Variants in HPSE2 observed in about 807,000 individuals in gnomAD.
HPSE2 encodes inactive heparanase-2.
Under a neutral mutation model 60.5 loss-of-function variants are expected in HPSE2, and 38 were observed. The observed-to-expected ratio is 0.63, with a 90% CI of 0.48 to 0.82. The LOEUF (loss-of-function observed/expected upper bound fraction) is 0.82. Ranked by LOEUF, HPSE2 falls within the 40% of genes least tolerant of loss-of-function variation. The pLI is 0.00. For missense variants in HPSE2, 713 were observed against 740.4 expected (o/e 0.96, Z 0.43); for synonymous variants, 295 against 293.2 (o/e 1.01, Z -0.06).
chr10:98,806,908 C>G (rs1287188560), intron 3 of HPSE2, among the ~76,000 whole-genome samples: 1 of 152,104 alleles, frequency 6.6e-6, no homozygotes, highest in African/African-American at 2.4e-5. Flanking sequence ...CTTTGGGAGG[C>G]CGAGGCAGGC....
chr10:98,845,245 C>T (rs1182269663), intron 3 of HPSE2, among the ~76,000 whole-genome samples: 1 of 152,164 alleles, frequency 6.6e-6, no homozygotes, highest in African/African-American at 2.4e-5. Flanking sequence ...AAAGCCTATT[C>T]CTTGACTCCT....
intron 3 of HPSE2, among the ~76,000 whole-genome samples, chr10:98,989,319 A>G (rs1956460933): frequency 6.6e-6 from 1 of 152,240 alleles, no homozygotes; most frequent in South Asian, 2.1e-4. Flanking sequence ...GGCAGCCATA[A>G]AAAATGATGA....
chr10:98,568,145 T>A (rs1381113729), intron 9 of HPSE2, among the ~76,000 whole-genome samples: 2 of 152,174 alleles, frequency 1.3e-5, no homozygotes, highest in Admixed American at 6.5e-5. Context: ...CCTCAGCATG[T>A]CAAGAAGGAT....
chr10:98,628,646 T>A (rs1946279998), intron 7 of HPSE2, among the ~76,000 whole-genome samples: 1 of 152,156 alleles, frequency 6.6e-6, no homozygotes, highest in African/African-American at 2.4e-5. Context: ...TGGGTGCATG[T>A]GGTCAAGGGG....
intron 3 of HPSE2, among the ~76,000 whole-genome samples, chr10:98,904,141 A>G (rs1312770064): frequency 6.6e-6 from 1 of 152,178 alleles, no homozygotes; most frequent in African/African-American, 2.4e-5. Context: ...AGAAATAATC[A>G]TTGATTTGTT....
At chr10:99,087,168 T>C (rs180725270) in intron 3 of HPSE2, among the ~76,000 whole-genome samples, 34 of 152,378 alleles carry the variant, frequency 2.2e-4, no homozygotes, top group African/African-American at 6.7e-4. Context: ...TGAAAAATCA[T>C]GTGTACTTTC....
intron 11 of HPSE2, among the ~76,000 whole-genome samples, chr10:98,460,187 T>C (rs1264740102): frequency 6.6e-6 from 1 of 152,248 alleles, no homozygotes; most frequent in Non-Finnish European, 1.5e-5. Context: ...GAATGATACA[T>C]GGGCTTAAGA....
chr10:99,210,866 A>G (rs898169782), intron 2 of HPSE2, among the ~76,000 whole-genome samples: 18 of 152,232 alleles, frequency 1.2e-4, no homozygotes, highest in African/African-American at 4.1e-4. Flanking sequence ...GGAATAAGAT[A>G]AAGATGCCCT....
chr10:98,531,524 T>C (rs1381394287), intron 9 of HPSE2, among the ~76,000 whole-genome samples: 3 of 152,210 alleles, frequency 2.0e-5, no homozygotes, highest in African/African-American at 4.8e-5. Flanking sequence ...GCAACTGTAG[T>C]GCACGTGCGG....
intron 3 of HPSE2, among the ~76,000 whole-genome samples, chr10:98,981,221 C>T (rs1956197543): frequency 6.6e-6 from 1 of 152,128 alleles, no homozygotes. Flanking sequence ...GCCTGAGCTA[C>T]TCTGTTTTCT....
At chr10:98,553,263 C>G (rs1034463669) in intron 9 of HPSE2, among the ~76,000 whole-genome samples, 1 of 152,186 alleles carries the variant, frequency 6.6e-6, no homozygotes, top group African/African-American at 2.4e-5. Context: ...AGAAATCTTA[C>G]TACAAAGTTA....
rs1336249195 is a variant in HPSE2, at chr10:98,614,960, A to T, written c.1264T>A (p.Ser422Thr). 3.1e-6 allele frequency: 5 copies of T among 1,614,156 alleles called. No homozygotes were observed. In the South Asian group the frequency reaches 5.5e-5, roughly 18 times the overall value. ...NQGIDVVIRH[S>T]FFDHGYNHLV... ...TGATTGTATCCATGGTCAAAAAATG[A>T]GTGCCGTATCACGACATCAATGCCC... The change falls in exon 9 of 12, where the codon TCA becomes ACA. Residue 422 changes from serine to threonine, a missense_variant. Physicochemically the swap from Ser to Thr is moderately conservative, Grantham distance 58. Coordinates refer to ENST00000370552, the MANE Select transcript of HPSE2 (RefSeq NM_021828.5).
intron 9 of HPSE2, among the ~76,000 whole-genome samples, chr10:98,564,161 G>A (rs763444840): frequency 2.0e-5 from 3 of 152,132 alleles, no homozygotes; most frequent in Non-Finnish European, 4.4e-5. Flanking sequence ...AGCTAGTGCT[G>A]TTGTCCCCAC....
At chr10:98,948,766 C>T (rs752308029) in intron 3 of HPSE2, among the ~76,000 whole-genome samples, 1 of 152,106 alleles carries the variant, frequency 6.6e-6, no homozygotes, top group Non-Finnish European at 1.5e-5. Context: ...CCACCCCCTC[C>T]TCTTCCACAT....
chr10:98,498,094 C>T (rs7091468), intron 9 of HPSE2, among the ~76,000 whole-genome samples: 42,717 of 151,908 alleles, frequency 0.28, 6,197 homozygotes, highest in Non-Finnish European at 0.31. Flanking sequence ...TCATGGTGGA[C>T]GGGAGGCAGG....
At chr10:99,057,026 A>C (rs1270961149) in intron 3 of HPSE2, among the ~76,000 whole-genome samples, 1 of 152,168 alleles carries the variant, frequency 6.6e-6, no homozygotes, top group South Asian at 2.1e-4. Context: ...AATAATCTAT[A>C]GTGACAGGTT....
chr10:98,599,170 G>A (rs1009258025), intron 9 of HPSE2, among the ~76,000 whole-genome samples: 35 of 152,136 alleles, frequency 2.3e-4, no homozygotes, highest in African/African-American at 8.2e-4. Flanking sequence ...CACTGGGCAT[G>A]CCCAGATTCT....
intron 3 of HPSE2, chr10:99,048,366 G>T: frequency 5.6e-6 from 1 of 179,902 alleles, no homozygotes; most frequent in Non-Finnish European, 1.1e-5. Flanking sequence ...CTCTCAAACT[G>T]AAAAAAAAAA....
At chr10:99,267,808 A>C in the HPSE2 span, among the ~76,000 whole-genome samples, 1 of 152,018 alleles carries the variant, frequency 6.6e-6, no homozygotes, top group East Asian at 1.9e-4. Context: ...AAACAAAAAA[A>C]AACACTAAAT....
Sources: allele counts gnomAD v4.1 joint callset (sites outside exome capture counted in the v4.1 genomes callset), GRCh38; gene constraint gnomAD v4.1.1; transcripts MANE v1.5; gene names NCBI Gene and HGNC (gene_info 2026-07-23, HGNC 2026-07-21).